GABBR2: variants seen among roughly 807,000 people sequenced by gnomAD.
The protein encoded by GABBR2 is gamma-aminobutyric acid type B receptor subunit 2.
A neutral mutation model predicts 105.6 loss-of-function variants in GABBR2; 23 were observed. The observed-to-expected ratio is 0.22, with a 90% CI of 0.16 to 0.31. The LOEUF (loss-of-function observed/expected upper bound fraction) is 0.31. GABBR2 is among the 10% of genes least tolerant of loss of function. The pLI, the probability that GABBR2 is intolerant of heterozygous loss-of-function variation, is 1.00. For missense variants in GABBR2, 734 were observed against 1,245.5 expected (o/e 0.59, Z 6.18); for synonymous variants, 478 against 499.7 (o/e 0.96, Z 0.58).
intron 3 of GABBR2, among the ~76,000 whole-genome samples, chr9:98,526,955 A>G (rs1588212487): frequency 8.3e-6 from 1 of 120,936 alleles, no homozygotes; most frequent in Admixed American, 9.9e-5. Flanking sequence ...CCTTACTAAG[A>G]GCATTCTCAT....
intron 3 of GABBR2, among the ~76,000 whole-genome samples, chr9:98,503,103 G>T (rs1215318129): frequency 6.6e-6 from 1 of 152,210 alleles, no homozygotes; most frequent in Non-Finnish European, 1.5e-5. Context: ...AGACAAGGAC[G>T]CTCAAGTTCA....
At chr9:98,443,991 C>G (rs561053034) in intron 7 of GABBR2, among the ~76,000 whole-genome samples, 1 of 152,298 alleles carries the variant, frequency 6.6e-6, no homozygotes, top group African/African-American at 2.4e-5. Context: ...AATTGGATAC[C>G]TAAATGCTTA....
rs376323708 is a variant in GABBR2 at position 98,684,169 on chromosome 9, T to TTAAA, written c.321+24247_321+24248insTTTA. Among the ~76,000 whole-genome samples, 61 of 66,134 alleles carry TTAAA rather than the reference T, an allele frequency of 9.2e-4. 11 individuals carry two copies. The highest frequency in any genetic ancestry group is 9.3e-4 in the Non-Finnish European group (34 of 36,728). 43.4% of individuals were successfully genotyped at this position (66,134 alleles called of 152,430 possible). A position where few individuals can be genotyped will look rare whatever the true frequency, so the allele number is the denominator to read the frequency against. ...AAAAGAAGAATGCATTTTACCACGG[T>TTAAA]AAAAAAAAAAAAAAAAAAAAAAAAA... On this transcript the variant is annotated intron_variant, in intron 1 of 18. Transcript: ENST00000259455.
intron 2 of GABBR2, among the ~76,000 whole-genome samples, chr9:98,560,783 T>TATAA (rs1491398164): frequency 6.0e-4 from 1 of 1,660 alleles, no homozygotes; most frequent in Non-Finnish European, 0.01. Flanking sequence ...TATAGTAGTG[T>TATAA]ATATATATAT....
chr9:98,680,810 GGAA>G (rs1830535804), intron 1 of GABBR2, among the ~76,000 whole-genome samples: 1 of 152,078 alleles, frequency 6.6e-6, no homozygotes, highest in South Asian at 2.1e-4. Flanking sequence ...ACATACCTAT[GGAA>G]TAGAAGTTCA....
chr9:98,432,963 G>A (rs201283553), intron 7 of GABBR2, among the ~76,000 whole-genome samples: 4 of 152,192 alleles, frequency 2.6e-5, no homozygotes, highest in African/African-American at 4.8e-5. Flanking sequence ...CATCACTTTG[G>A]GGGTGTGTGG....
At chr9:98,324,554 T>C (rs1830886714) in intron 13 of GABBR2, among the ~76,000 whole-genome samples, 1 of 148,902 alleles carries the variant, frequency 6.7e-6, no homozygotes, top group Non-Finnish European at 1.5e-5. Context: ...AGTAGTGCAT[T>C]CCAGAACAAT....
chr9:98,323,330 G>A lies in GABBR2; in HGVS notation c.1894-12125C>T, dbSNP rs114692778. On this transcript the variant is annotated intron_variant, in intron 13 of 18. Transcript: ENST00000259455. Reference sequence around the variant, plus strand: ...GAGCAGGCTCTGTGGTCACCAGGGTGCTGTGCTAATATTGTGTGCTGTGAT... The same window carrying A: ...GAGCAGGCTCTGTGGTCACCAGGGTACTGTGCTAATATTGTGTGCTGTGAT... Among the ~76,000 whole-genome samples the A allele has an allele frequency of 3.7e-3, 560 of 152,370 alleles. 2 individuals are homozygous for A. Among genetic ancestry groups the A allele is most frequent in the African/African-American group, 0.012 (497 of 41,586 alleles).
At chr9:98,679,444 A>G (rs1367457821) in intron 1 of GABBR2, among the ~76,000 whole-genome samples, 4 of 152,238 alleles carry the variant, frequency 2.6e-5, no homozygotes, top group Non-Finnish European at 5.9e-5. Context: ...GCAAAAGAAT[A>G]TCACTCACAA....
At chr9:98,488,084 G>A (rs1827097664) in intron 4 of GABBR2, among the ~76,000 whole-genome samples, 1 of 152,202 alleles carries the variant, frequency 6.6e-6, no homozygotes, top group Non-Finnish European at 1.5e-5. Context: ...GCTGAGGGAT[G>A]CAGGTGGCCT....
At chr9:98,680,259 C>A (rs1490439376) in intron 1 of GABBR2, among the ~76,000 whole-genome samples, 2 of 152,078 alleles carry the variant, frequency 1.3e-5, no homozygotes, top group Non-Finnish European at 2.9e-5. Flanking sequence ...TCTAAGTTCA[C>A]CAAATTCCAA....
intron 3 of GABBR2, among the ~76,000 whole-genome samples, chr9:98,534,009 C>T (rs1442862880): frequency 6.6e-6 from 1 of 152,188 alleles, no homozygotes; most frequent in Admixed American, 6.5e-5. Flanking sequence ...TCCCCGTCCT[C>T]CCCTGCAGGA....
chr9:98,410,637 C>T (rs963190334), intron 7 of GABBR2, among the ~76,000 whole-genome samples: 1 of 151,446 alleles, frequency 6.6e-6, no homozygotes, highest in Non-Finnish European at 1.5e-5. Context: ...TGGCTGCATG[C>T]TCAGTGGCCA....
intron 9 of GABBR2, 134 bp downstream of exon 9, chr9:98,394,041 G>A: frequency 1.5e-6 from 1 of 654,174 alleles, no homozygotes; most frequent in Non-Finnish European, 2.8e-6. Context: ...CTCAACGATT[G>A]AGTGCATGTG....
At chr9:98,653,702 C>T (rs1386088258) in intron 1 of GABBR2, among the ~76,000 whole-genome samples, 1 of 150,572 alleles carries the variant, frequency 6.6e-6, no homozygotes, top group Non-Finnish European at 1.5e-5. Flanking sequence ...CCTAAAAGGA[C>T]TTCCCTGAGG....
chr9:98,337,220 G>A (rs2131400276), intron 13 of GABBR2, among the ~76,000 whole-genome samples: 1 of 152,242 alleles, frequency 6.6e-6, no homozygotes, highest in South Asian at 2.1e-4. Context: ...CACGAGAATC[G>A]CTTGAACCCG....
intron 5 of GABBR2, among the ~76,000 whole-genome samples, chr9:98,475,354 A>AAAG (rs1483836898): frequency 1.3e-5 from 2 of 151,770 alleles, no homozygotes; most frequent in African/African-American, 4.9e-5. Flanking sequence ...TTTAAAAAAA[A>AAAG]AAAAGAAAAG....
rs577045669 is a variant in GABBR2, at chr9:98,362,594, TG to T, written c.1893+120del. ...ATTACATGTCTCAAATGGAAGGAAA[TG>T]GAACTGATGAAGTGTTCCCAGTGGG... On this transcript the variant is annotated intron_variant, in intron 13 of 18. Coordinates refer to ENST00000259455, the MANE Select transcript of GABBR2 (RefSeq NM_005458.8). The T allele has an allele frequency of 3.3e-4, 231 of 695,832 alleles. 1 individual carries two copies. The African/African-American group carries it at 3.8e-3, about 11-fold the overall frequency. 43.1% of individuals were successfully genotyped at this position (695,832 alleles called of 1,614,324 possible).
At chr9:98,412,759 A>G (rs1327184346) in intron 7 of GABBR2, among the ~76,000 whole-genome samples, 1 of 152,194 alleles carries the variant, frequency 6.6e-6, no homozygotes, top group African/African-American at 2.4e-5. Flanking sequence ...AAATCATGTA[A>G]CTTAGCTTAT....
Sources: gnomAD v4.1 joint callset for allele counts (sites outside exome capture counted in the v4.1 genomes callset) on GRCh38, gnomAD v4.1.1 for gene constraint, MANE v1.5 for transcripts, NCBI Gene and HGNC (gene_info 2026-07-23, HGNC 2026-07-21) for gene names.